The following FBXO10 variants were observed in gnomAD, a reference collection of about 807,000 sequenced individuals.
The protein encoded by FBXO10 is F-box only protein 10.
FBXO10 carries 39 observed loss-of-function variants against 80.7 expected under a neutral mutation model. The ratio of observed to expected loss-of-function variants is 0.48; its 90% confidence interval spans 0.37 to 0.63. The LOEUF is 0.63. FBXO10 is among the 30% of genes least tolerant of loss of function. The pLI, the probability that FBXO10 is intolerant of heterozygous loss-of-function variation, is 0.00. For synonymous variants in FBXO10, 449 were observed against 489.6 expected (o/e 0.92, Z 1.09); for missense variants, 1,025 against 1,269.0 (o/e 0.81, Z 2.92).
chr9:37,516,885 TG>T (rs932306193), intron 9 of FBXO10, among the ~76,000 whole-genome samples: 10 of 146,674 alleles, frequency 6.8e-5, no homozygotes, highest in African/African-American at 2.5e-4. Context: ...GGCTTGAATC[TG>T]GGAGGCGGAG....
At position 37,553,769 on chromosome 9, in the gene FBXO10, G is replaced by T. The variant is rs183409337; in HGVS notation, c.-6-11995C>A. On this transcript the variant is annotated intron_variant, in intron 1 of 10. Transcript: ENST00000432825. ...AAAAATACAAAAAAAAAAAAAATTA[G>T]CCAGGCGTGGTGGCACATGCCTGTA... Among the ~76,000 whole-genome samples the T allele has an allele frequency of 1.3e-3, 201 of 149,532 alleles. 3 individuals are homozygous for T. The East Asian group carries it at 0.035, about 26-fold the overall frequency.
chr9:37,544,418 G>C (rs944116186), intron 1 of FBXO10, among the ~76,000 whole-genome samples: 3 of 152,192 alleles, frequency 2.0e-5, no homozygotes, highest in Non-Finnish European at 4.4e-5. Context: ...AGGTGACAGA[G>C]TGAGACCCTA....
intron 1 of FBXO10, among the ~76,000 whole-genome samples, chr9:37,565,265 G>C (rs1283000386): frequency 6.6e-6 from 1 of 152,104 alleles, no homozygotes; most frequent in Non-Finnish European, 1.5e-5. Context: ...ATTAGTCTCA[G>C]ATATTTCTTC....
At chr9:37,560,517 C>T (rs189215029) in intron 1 of FBXO10, among the ~76,000 whole-genome samples, 1 of 152,322 alleles carries the variant, frequency 6.6e-6, no homozygotes, top group Admixed American at 6.5e-5. Context: ...CCCCTCTTGA[C>T]TCCGAGCACA....
intron 9 of FBXO10, 108 bp downstream of exon 9, chr9:37,518,017 T>G: frequency 1.7e-6 from 2 of 1,164,248 alleles, no homozygotes; most frequent in South Asian, 1.5e-5. Flanking sequence ...TACTGTCCCT[T>G]GTAGTGCTGA....
rs767738610 is a variant in FBXO10, at chr9:37,532,003, C to T, written c.1475G>A (p.Arg492His). The change falls in exon 4 of 11, where the codon CGC becomes CAC. Residue 492 changes from arginine (R) to histidine (H), a missense_variant. Physicochemically the swap from Arg to His is conservative, Grantham distance 29. This residue lies in a region of FBXO10 where 478 missense variants were observed against 667.8 expected (regional missense o/e 0.72). Coordinates refer to ENST00000432825, the MANE Select transcript of FBXO10 (RefSeq NM_012166.3). ...GGCAATCAAGCCACCGCCCTCCAAGCGAAGAAAGATGCCTGACGCTCGGCA... is the reference window on the plus strand; with the variant it reads ...GGCAATCAAGCCACCGCCCTCCAAGTGAAGAAAGATGCCTGACGCTCGGCA... ...YRCRASGIFL[R>H]LEGGGLIAGN... The T allele has an allele frequency of 5.0e-6, 8 of 1,613,834 alleles. No homozygotes were observed. The African/African-American group carries it at 5.3e-5, about 11-fold the overall frequency.
chr9:37,536,475 G>C (rs1399796872), intron 3 of FBXO10, among the ~76,000 whole-genome samples: 1 of 152,164 alleles, frequency 6.6e-6, no homozygotes, highest in Non-Finnish European at 1.5e-5. Context: ...TGGCTAGAAG[G>C]ACTGTTCTTA....
At chr9:37,519,347 G>A (rs1275828535) in intron 8 of FBXO10, among the ~76,000 whole-genome samples, 1 of 152,174 alleles carries the variant, frequency 6.6e-6, no homozygotes, top group East Asian at 1.9e-4. Context: ...GAGACACTAG[G>A]TACATGAGGA....
At chr9:37,571,734 T>TATATATATATATAA (rs1822763688) in intron 1 of FBXO10, among the ~76,000 whole-genome samples, 1 of 142,542 alleles carries the variant, frequency 7.0e-6, no homozygotes, top group African/African-American at 2.6e-5. Context: ...TATATATATA[T>TATATATATATATAA]ATATATATAT....
intron 1 of FBXO10, among the ~76,000 whole-genome samples, chr9:37,548,682 A>T (rs1030575300): frequency 6.6e-6 from 1 of 151,664 alleles, no homozygotes; most frequent in Non-Finnish European, 1.5e-5. Context: ...AATCTCTCCT[A>T]TGATTACTTT....
chr9:37,525,049 A>G, intron 6 of FBXO10, 53 bp downstream of exon 6: 1 of 1,476,818 alleles, frequency 6.8e-7, no homozygotes. Flanking sequence ...CTGGGGGGTG[A>G]CGCCAGGGGA....
intron 3 of FBXO10, among the ~76,000 whole-genome samples, chr9:37,533,504 C>T (rs913345168): frequency 6.6e-6 from 1 of 151,004 alleles, no homozygotes; most frequent in Non-Finnish European, 1.5e-5. Context: ...CGAGATTGTG[C>T]CACTGTATTC....
chr9:37,526,203 T>G lies in FBXO10; in HGVS notation c.1707-1031A>C, dbSNP rs139119650. ...ATATTAACTGCAGATGAGCACAATT[T>G]GAGTCCTGTGCTTCTCTGCATCCAA... On this transcript the variant is annotated intron_variant, in intron 5 of 10. Transcript: ENST00000432825. Among the ~76,000 whole-genome samples the G allele has an allele frequency of 3.3e-3, 506 of 152,286 alleles. 6 individuals are homozygous for G. Among genetic ancestry groups the G allele is most frequent in the African/African-American group, 0.011 (476 of 41,550 alleles).
At chr9:37,562,529 T>C (rs1164449535) in intron 1 of FBXO10, among the ~76,000 whole-genome samples, 2 of 152,212 alleles carry the variant, frequency 1.3e-5, no homozygotes, top group East Asian at 1.9e-4. Flanking sequence ...CCTTCATTTA[T>C]TGTCTGTCTC....
intron 1 of FBXO10, among the ~76,000 whole-genome samples, chr9:37,545,475 C>A (rs1317347507): frequency 1.3e-5 from 2 of 152,136 alleles, no homozygotes; most frequent in Admixed American, 1.3e-4. Flanking sequence ...TCGAGCCTGG[C>A]CTCTCAGGCT....
chr9:37,524,424 C>T (rs1183235799), intron 6 of FBXO10, among the ~76,000 whole-genome samples: 1 of 152,198 alleles, frequency 6.6e-6, no homozygotes, highest in African/African-American at 2.4e-5. Flanking sequence ...GGAACACGGC[C>T]TGTATACCAC....
At chr9:37,548,555 T>C (rs757895904) in intron 1 of FBXO10, among the ~76,000 whole-genome samples, 18 of 152,148 alleles carry the variant, frequency 1.2e-4, no homozygotes, top group Non-Finnish European at 2.1e-4. Flanking sequence ...CACCATCATT[T>C]TCCACCTAGC....
At chr9:37,538,933 A>C (rs1285837467) in intron 2 of FBXO10, among the ~76,000 whole-genome samples, 2 of 152,130 alleles carry the variant, frequency 1.3e-5, no homozygotes, top group Non-Finnish European at 2.9e-5. Flanking sequence ...TGGAGTGGGG[A>C]TGGGGCAGTG....
chr9:37,555,525 C>T (rs753084157), intron 1 of FBXO10, among the ~76,000 whole-genome samples: 20 of 151,738 alleles, frequency 1.3e-4, no homozygotes, highest in East Asian at 1.9e-4. Context: ...GGATTACAGG[C>T]GCTCGCCACC....
Sources: allele counts gnomAD v4.1 joint callset (sites outside exome capture counted in the v4.1 genomes callset), GRCh38; gene constraint gnomAD v4.1.1; regional missense constraint gnomAD v4.1.1; transcripts MANE v1.5; gene names NCBI Gene and HGNC (gene_info 2026-07-23, HGNC 2026-07-21).